The following RYR3 variants were observed in gnomAD, a reference collection of about 807,000 sequenced individuals.
The protein encoded by RYR3 is brain ryanodine receptor-calcium release channel.
In RYR3, 207 loss-of-function variants were observed where a neutral mutation model predicts 584.3. The observed-to-expected ratio is 0.35, with a 90% CI of 0.32 to 0.40. The LOEUF (loss-of-function observed/expected upper bound fraction) is 0.40. Ranked by LOEUF, RYR3 falls within the 10% of genes least tolerant of loss-of-function variation. RYR3 has a pLI of 1.00. For missense variants in RYR3, 5,616 were observed against 6,089.2 expected, an observed-to-expected ratio of 0.92 and a Z score of 2.59; for synonymous variants, 2,416 against 2,248.5, an observed-to-expected ratio of 1.07 and a Z score of -2.11.
chr15:33,497,910 T>C (rs533953406), intron 2 of RYR3, among the ~76,000 whole-genome samples: 8 of 152,278 alleles, frequency 5.3e-5, no homozygotes, highest in African/African-American at 1.9e-4. Context: ...CTACTCTCTC[T>C]ACATCTATGA....
rs754927860 is a variant in RYR3, at chr15:33,663,648, C to T, written c.5530C>T (p.Arg1844Cys). Residue 1844 changes from arginine (R) to cysteine (C), a missense_variant, in exon 36 of 104, where the codon CGC becomes TGC. Arg to Cys is a radical substitution (Grantham distance 180). Around this residue, in one of 9 missense-constraint regions of RYR3, gnomAD observed 1,280 missense variants for 1,426.2 expected, o/e 0.90. Transcript: ENST00000634891. The stretch of plus-strand genomic sequence containing the variant: ...CAAGCTGCAGGCAAATCAGAAGTTC[C>T]GCTACAATGAGCTCATGCAGGCCCT... ...VSKLQANQKF[R>C]YNELMQALNM... The T allele has an allele frequency of 6.2e-7, 1 of 1,613,132 alleles. No individual in the cohort carries two copies. Among genetic ancestry groups the T allele is most frequent in the Non-Finnish European group, 8.5e-7 (1 of 1,179,644 alleles).
intron 38 of RYR3, among the ~76,000 whole-genome samples, chr15:33,673,521 A>C (rs2063973524): frequency 6.6e-6 from 1 of 152,232 alleles, no homozygotes; most frequent in Non-Finnish European, 1.5e-5. Context: ...CCACTGTACT[A>C]AGTCACTTTT....
intron 1 of RYR3, among the ~76,000 whole-genome samples, chr15:33,374,893 T>C (rs1362357677): frequency 6.6e-6 from 1 of 152,220 alleles, no homozygotes; most frequent in Non-Finnish European, 1.5e-5. Flanking sequence ...GCTTGCAAAT[T>C]GGTGCTCCTT....
At chr15:33,400,589 C>T (rs1221638072) in intron 1 of RYR3, among the ~76,000 whole-genome samples, 1 of 152,030 alleles carries the variant, frequency 6.6e-6, no homozygotes, top group African/African-American at 2.4e-5. Flanking sequence ...GACTTTCTTC[C>T]TTCATGGAGA....
chr15:33,521,633 T>G (rs371270296), intron 3 of RYR3, among the ~76,000 whole-genome samples: 2 of 152,152 alleles, frequency 1.3e-5, no homozygotes, highest in Admixed American at 1.3e-4. Flanking sequence ...TCAAGTATTC[T>G]TCTCTTTTGT....
At chr15:33,607,942 T>C (rs73371904) in intron 18 of RYR3, among the ~76,000 whole-genome samples, 1 of 152,170 alleles carries the variant, frequency 6.6e-6, no homozygotes, top group African/African-American at 2.4e-5. Context: ...TTTGACAGAT[T>C]AGGTAACTTG....
intron 1 of RYR3, among the ~76,000 whole-genome samples, chr15:33,432,749 T>C (rs1262913861): frequency 6.6e-6 from 1 of 151,182 alleles, no homozygotes; most frequent in Non-Finnish European, 1.5e-5. Context: ...CTCAAACTCC[T>C]GACCTTGTGA....
In RYR3 at chr15:33,693,598, C is replaced by T. The variant is rs112263600; in HGVS notation, c.5861-2620C>T. Among the ~76,000 whole-genome samples the T allele has an allele frequency of 3.3e-3, 497 of 152,322 alleles. 4 individuals are homozygous for T. The highest frequency in any genetic ancestry group is 0.011 in the African/African-American group (454 of 41,578). ...TTAAATGGAACAGAAGCTAAATTAG[C>T]GTGGCAAGTTGCCAGGGGAAAGATC... On this transcript the variant is annotated intron_variant, in intron 38 of 103. Coordinates refer to ENST00000634891, the MANE Select transcript of RYR3 (RefSeq NM_001036.6).
rs1567277939 is a variant in RYR3 at position 33,835,003 on chromosome 15, C to G, written c.11499C>G (p.His3833Gln). The G allele has an allele frequency of 2.5e-6, 4 of 1,613,908 alleles. No homozygotes were observed. In the South Asian group the frequency reaches 4.4e-5, roughly 18 times the overall value. ...PCIGNQQSLA[H>Q]SRLWDAVVGF... The stretch of plus-strand genomic sequence containing the variant: ...TTGGTAATCAACAGAGCCTGGCTCA[C>G]AGCAGGCTGTGGGACGCAGTGGTTG... Residue 3833 changes from histidine (H) to glutamine (Q), a missense_variant, in exon 87 of 104, where the codon CAC becomes CAG. His to Gln is a conservative substitution (Grantham distance 24). This residue lies in a region of RYR3 where 954 missense variants were observed against 1,132.2 expected (regional missense o/e 0.84). Transcript: ENST00000634891.
intron 27 of RYR3, among the ~76,000 whole-genome samples, chr15:33,638,696 A>G (rs1030460065): frequency 6.6e-5 from 10 of 152,228 alleles, no homozygotes; most frequent in African/African-American, 2.2e-4. Flanking sequence ...TGTGAGTAGT[A>G]GCAGTATTAA....
At chr15:33,765,467 T>C (rs1270617493) in intron 60 of RYR3, among the ~76,000 whole-genome samples, 1 of 151,780 alleles carries the variant, frequency 6.6e-6, no homozygotes. Context: ...ACCCCGTCTC[T>C]ACTAAAAATA....
intron 3 of RYR3, among the ~76,000 whole-genome samples, chr15:33,516,906 A>G (rs776985499): frequency 1.3e-5 from 2 of 152,180 alleles, no homozygotes; most frequent in African/African-American, 4.8e-5. Flanking sequence ...TAAGGAACCA[A>G]TAAAGAATAA....
At chr15:33,642,430 G>C (rs1478159997) in intron 27 of RYR3, among the ~76,000 whole-genome samples, 1 of 152,162 alleles carries the variant, frequency 6.6e-6, no homozygotes, top group Non-Finnish European at 1.5e-5. Flanking sequence ...TCCCTTAGTA[G>C]AATAACTAAA....
At chr15:33,419,024 G>T (rs1049945835) in intron 1 of RYR3, among the ~76,000 whole-genome samples, 1 of 152,162 alleles carries the variant, frequency 6.6e-6, no homozygotes, top group Non-Finnish European at 1.5e-5. Flanking sequence ...GTGGTATGGT[G>T]TACAGCCATC....
intron 60 of RYR3, 67 bp downstream of exon 60, chr15:33,757,663 T>G: frequency 6.5e-7 from 1 of 1,545,686 alleles, no homozygotes; most frequent in South Asian, 1.2e-5. Context: ...CAGGTCCCTG[T>G]GGACTAAAAG....
chr15:33,677,004 C>T (rs1019971240), intron 38 of RYR3, among the ~76,000 whole-genome samples: 3 of 152,154 alleles, frequency 2.0e-5, no homozygotes, highest in Admixed American at 1.3e-4. Flanking sequence ...TGGCACTTCA[C>T]CTTACCTCGT....
chr15:33,795,494 A>G (rs916390836), intron 67 of RYR3, among the ~76,000 whole-genome samples: 3 of 146,186 alleles, frequency 2.1e-5, no homozygotes, highest in Non-Finnish European at 4.4e-5. Context: ...TCCTGGGTTC[A>G]AGCGATTCTC....
intron 32 of RYR3, among the ~76,000 whole-genome samples, chr15:33,658,178 C>T (rs2152698905): frequency 6.6e-6 from 1 of 152,318 alleles, no homozygotes; most frequent in South Asian, 2.1e-4. Context: ...GTTAAGGTGT[C>T]AGCCAGGCTG....
intron 43 of RYR3, among the ~76,000 whole-genome samples, chr15:33,721,157 C>T (rs1458984832): frequency 5.3e-5 from 8 of 152,164 alleles, no homozygotes; most frequent in Admixed American, 5.2e-4. Flanking sequence ...CTGTGGGAAG[C>T]CAGCTGCCAC....
Sources: allele counts gnomAD v4.1 joint callset (sites outside exome capture counted in the v4.1 genomes callset), GRCh38; gene constraint gnomAD v4.1.1; regional missense constraint gnomAD v4.1.1; transcripts MANE v1.5; gene names NCBI Gene and HGNC (gene_info 2026-07-23, HGNC 2026-07-21).